The following MTERF2 variants were observed in gnomAD, a reference collection of about 807,000 sequenced individuals.
MTERF2 encodes the protein transcription termination factor 2, mitochondrial.
Under a neutral mutation model 29.2 loss-of-function variants are expected in MTERF2, and 23 were observed. The observed-to-expected ratio is 0.79, with a 90% CI of 0.57 to 1.12. The LOEUF (loss-of-function observed/expected upper bound fraction) is 1.12. MTERF2 is among the 50% of genes most tolerant of loss of function. MTERF2 has a pLI of 0.00. For missense variants in MTERF2, 440 were observed against 429.4 expected (o/e 1.02, Z -0.22); for synonymous variants, 157 against 159.5 (o/e 0.98, Z 0.12).
chr12:106,983,248 AC>A (rs1192599959), intron 2 of MTERF2, among the ~76,000 whole-genome samples: 2 of 152,184 alleles, frequency 1.3e-5, no homozygotes. Flanking sequence ...ACAATGTTGT[AC>A]CACCATGACC....
In MTERF2 at chr12:106,978,653, C is replaced by T. The variant is rs745743885; in HGVS notation, c.62G>A (p.Arg21Gln). ...SCRLCSFRKM[R>Q]SPPKYRPFLA... ...GAAAGGTCTGTATTTTGGAGGTGATCGCATCTTTCTGAAAGAACACAGCCT... is the reference window on the plus strand; with the variant it reads ...GAAAGGTCTGTATTTTGGAGGTGATTGCATCTTTCTGAAAGAACACAGCCT... Residue 21 changes from arginine (R) to glutamine (Q), a missense_variant, in exon 3 of 3, where the codon CGA becomes CAA. Coordinates refer to ENST00000240050, the MANE Select transcript of MTERF2 (RefSeq NM_001033050.3). The T allele has an allele frequency of 1.1e-5, 17 of 1,614,070 alleles. No individual in the cohort carries two copies. Among genetic ancestry groups the T allele is most frequent in the Middle Eastern group, 1.7e-4 (1 of 6,060 alleles).
In MTERF2 at chr12:106,987,095, C is replaced by G. The variant is rs1258150318; in HGVS notation, c.-295G>C. The G allele has an allele frequency of 2.0e-5, 3 of 152,514 alleles. No homozygotes were observed. The highest frequency in any genetic ancestry group is 6.5e-5 in the Admixed American group (1 of 15,292). 9.4% of individuals were successfully genotyped at this position (152,514 alleles called of 1,614,324 possible). A position where few individuals can be genotyped will look rare whatever the true frequency, so the allele number is the denominator to read the frequency against. On this transcript the variant is annotated 5_prime_UTR_variant, in exon 1 of 3. Coordinates refer to ENST00000240050, the MANE Select transcript of MTERF2 (RefSeq NM_001033050.3). ...GGCCTGGAGCCGGGATTTCGGTCCT[C>G]GGTCTCAAGAAGCTCCCGACAGTTC... is the stretch of plus-strand genomic sequence containing the variant.
intron 2 of MTERF2, 140 bp from the exon 3 acceptor site, chr12:106,978,911 A>T (rs989916355): frequency 1.6e-5 from 8 of 507,718 alleles, no homozygotes; most frequent in African/African-American, 5.9e-5. Flanking sequence ...GAATATTTTT[A>T]AAAATCTTCC....
intron 2 of MTERF2, among the ~76,000 whole-genome samples, chr12:106,981,038 C>A (rs1397454552): frequency 6.6e-6 from 1 of 152,220 alleles, no homozygotes; most frequent in African/African-American, 2.4e-5. Context: ...AGAAGGCCAT[C>A]AACTTGAACA....
chr12:106,977,407 C>A lies in MTERF2; in HGVS notation c.*150G>T. ...ATATTTTATAATATGGCACATGAGT[C>A]AGAATTTATCTATTTAGAGATAACT... On this transcript the variant is annotated 3_prime_UTR_variant, in exon 3 of 3. Coordinates refer to ENST00000240050, the MANE Select transcript of MTERF2 (RefSeq NM_001033050.3). The A allele has an allele frequency of 1.8e-6, 1 of 569,580 alleles. No individual in the cohort carries two copies. 35.3% of individuals were successfully genotyped at this position (569,580 alleles called of 1,614,324 possible). A position where few individuals can be genotyped will look rare whatever the true frequency, so the allele number is the denominator to read the frequency against.
intron 2 of MTERF2, among the ~76,000 whole-genome samples, chr12:106,983,411 T>C (rs1952074690): frequency 6.6e-6 from 1 of 152,228 alleles, no homozygotes; most frequent in Non-Finnish European, 1.5e-5. Context: ...CATATAATAT[T>C]TGTCTTTCGT....
chr12:106,983,278 T>A (rs2136799631), intron 2 of MTERF2, among the ~76,000 whole-genome samples: 1 of 152,302 alleles, frequency 6.6e-6, no homozygotes, highest in East Asian at 1.9e-4. Flanking sequence ...AAACACCAAC[T>A]CTGTCTCTGT....
intron 1 of MTERF2, chr12:106,986,141 C>T (rs1432317224): frequency 6.6e-6 from 1 of 152,134 alleles, no homozygotes; most frequent in Admixed American, 6.5e-5. Flanking sequence ...TCAGGTGAAA[C>T]TGAGTGAACA....
intron 2 of MTERF2, among the ~76,000 whole-genome samples, chr12:106,984,784 G>C (rs893320400): frequency 6.6e-6 from 1 of 152,182 alleles, no homozygotes; most frequent in Non-Finnish European, 1.5e-5. Flanking sequence ...CTTCCGCCAT[G>C]ATTGTGAGGT....
chr12:106,981,421 A>C (rs1952050267), intron 2 of MTERF2, among the ~76,000 whole-genome samples: 1 of 152,354 alleles, frequency 6.6e-6, no homozygotes, highest in East Asian at 1.9e-4. Context: ...AAATTTCTGG[A>C]GCTAGAAGTC....
intron 2 of MTERF2, among the ~76,000 whole-genome samples, chr12:106,980,285 G>A (rs1398004919): frequency 1.3e-5 from 2 of 152,182 alleles, no homozygotes; most frequent in African/African-American, 4.8e-5. Context: ...AGTTATTTAT[G>A]TACTGAGTTG....
chr12:106,985,192 T>G lies in MTERF2; in HGVS notation c.-135A>C, dbSNP rs1003121155. 4 of 152,290 alleles carry G rather than the reference T, an allele frequency of 2.6e-5. No homozygotes were observed. Among genetic ancestry groups the G allele is most frequent in the African/African-American group, 9.6e-5 (4 of 41,454 alleles). The allele number at this position is 152,290 out of a possible 1,614,324, so 9.4% of individuals were successfully genotyped here. A position where few individuals can be genotyped will look rare whatever the true frequency, so the allele number is the denominator to read the frequency against. ...ACTTGGGATTCTTTCCAACTTCTTC[T>G]CAAAATGTGATCTTGTCAGTTCCCT... On this transcript the variant is annotated 5_prime_UTR_variant, in exon 2 of 3. Transcript: ENST00000240050.
intron 2 of MTERF2, among the ~76,000 whole-genome samples, chr12:106,980,348 A>C (rs946951773): frequency 1.3e-5 from 2 of 152,228 alleles, no homozygotes; most frequent in African/African-American, 4.8e-5. Context: ...GGGAGGTCTA[A>C]AAGATAAGTT....
Position 106,978,282 on chromosome 12 carries a change from C to A in MTERF2, c.433G>T (p.Asp145Tyr). ...QFPESFFTIK[D>Y]QENQKLNVQF... ...ACATTCAGCTTCTGGTTCTCTTGGTCTTTAATAGTAAAGAAAGATTCTGGA... is the reference window on the plus strand; with the variant it reads ...ACATTCAGCTTCTGGTTCTCTTGGTATTTAATAGTAAAGAAAGATTCTGGA... The change falls in exon 3 of 3, where the codon GAC becomes TAC. Residue 145 changes from aspartate (D) to tyrosine (Y), a missense_variant. Transcript: ENST00000240050. The A allele has an allele frequency of 6.2e-7, 1 of 1,614,024 alleles. No homozygotes were observed. The highest frequency in any genetic ancestry group is 8.5e-7 in the Non-Finnish European group (1 of 1,180,000).
chr12:106,986,839 C>T (rs1183294381), intron 1 of MTERF2, 130 bp downstream of exon 1: 1 of 152,262 alleles, frequency 6.6e-6, no homozygotes, highest in Non-Finnish European at 1.5e-5. Flanking sequence ...ACTGTGGGGC[C>T]TCCGCTTTTC....
At chr12:106,979,986 C>A (rs757563709) in intron 2 of MTERF2, among the ~76,000 whole-genome samples, 1 of 152,172 alleles carries the variant, frequency 6.6e-6, no homozygotes, top group Non-Finnish European at 1.5e-5. Flanking sequence ...CAACCTCCAC[C>A]TCCCAAGTTC....
At position 106,984,308 on chromosome 12, in the gene MTERF2, T is replaced by C. The variant is rs1952086043; in HGVS notation, c.-58+807A>G. 2.0e-5 allele frequency among the ~76,000 whole-genome samples: 3 copies of C among 152,244 alleles called. No homozygotes were observed. The South Asian group carries it at 6.2e-4, about 31-fold the overall frequency. ...TTTCCCTGCCCAAACCCTATCTTTC[T>C]CTTCACCTCAGCTAATTCTTGCAGA... On this transcript the variant is annotated intron_variant, in intron 2 of 2. Transcript: ENST00000240050.
In MTERF2 at chr12:106,985,186, T is replaced by G. The variant is rs1952096390; in HGVS notation, c.-129A>C. On this transcript the variant is annotated 5_prime_UTR_variant, in exon 2 of 3. Coordinates refer to ENST00000240050, the MANE Select transcript of MTERF2 (RefSeq NM_001033050.3). ...TCATCCACTTGGGATTCTTTCCAAC[T>G]TCTTCTCAAAATGTGATCTTGTCAG... The G allele has an allele frequency of 1.3e-5, 2 of 152,308 alleles. No homozygotes were observed. The highest frequency in any genetic ancestry group is 1.3e-4 in the Admixed American group (2 of 15,290). 9.4% of individuals were successfully genotyped at this position (152,308 alleles called of 1,614,324 possible).
At chr12:106,978,809 G>A in intron 2 of MTERF2, 38 bp from the exon 3 acceptor site, 1 of 1,154,852 alleles carries the variant, frequency 8.7e-7, no homozygotes, top group African/African-American at 1.6e-5. Flanking sequence ...GTATAAGGGT[G>A]TTGACTTTCA....
Sources: allele counts gnomAD v4.1 joint callset (sites outside exome capture counted in the v4.1 genomes callset), GRCh38; gene constraint gnomAD v4.1.1; transcripts MANE v1.5; gene names NCBI Gene and HGNC (gene_info 2026-07-23, HGNC 2026-07-21).